Variants in TTPA observed in about 807,000 individuals in gnomAD.
TTPA encodes alpha tocopherol transfer protein.
A neutral mutation model predicts 25.9 loss-of-function variants in TTPA; 23 were observed. The ratio of observed to expected loss-of-function variants is 0.89; its 90% confidence interval spans 0.64 to 1.26. TTPA has a LOEUF of 1.26. Among genes scored for constraint, TTPA ranks in the 50% most tolerant of loss-of-function variants. The pLI is 0.00. For synonymous variants in TTPA, 148 were observed against 137.3 expected (o/e 1.08, Z -0.54); for missense variants, 337 against 353.1 (o/e 0.95, Z 0.37).
At chr8:63,085,007 G>C (rs751429024) in intron 1 of TTPA, among the ~76,000 whole-genome samples, 6 of 152,218 alleles carry the variant, frequency 3.9e-5, no homozygotes, top group Non-Finnish European at 7.3e-5. Flanking sequence ...CTTAGAGAAA[G>C]GGCTAGATCT....
intron 2 of TTPA, among the ~76,000 whole-genome samples, chr8:63,072,485 A>T (rs897822212): frequency 6.6e-6 from 1 of 151,954 alleles, no homozygotes; most frequent in Non-Finnish European, 1.5e-5. Context: ...TTGGTCTCGA[A>T]CTCCTGACCT....
intron 1 of TTPA, 105 bp from the exon 2 acceptor site, chr8:63,073,193 T>A: frequency 2.2e-6 from 2 of 918,434 alleles, no homozygotes; most frequent in Non-Finnish European, 3.4e-6. Flanking sequence ...CCATCCATTA[T>A]GTCAAGAGTT....
At chr8:63,068,868 T>C (rs1002283960) in intron 2 of TTPA, among the ~76,000 whole-genome samples, 15 of 152,172 alleles carry the variant, frequency 9.9e-5, no homozygotes, top group Non-Finnish European at 2.2e-4. Flanking sequence ...AAGCCTCAGA[T>C]TTCTGGCCGG....
At position 63,065,985 on chromosome 8, in the gene TTPA, G is replaced by T. The variant is rs572263038; in HGVS notation, c.471C>A (p.Ile157=). 2.9e-4 allele frequency: 467 copies of T among 1,614,074 alleles called. 3 individuals are homozygous for T. The South Asian group carries it at 4.7e-3, about 16-fold the overall frequency. Residue 157 remains isoleucine, a synonymous_variant, in exon 3 of 5, where the codon ATC becomes ATA. Coordinates refer to ENST00000260116, the MANE Select transcript of TTPA (RefSeq NM_000370.3). ...VETQRNGIKA[I]FDLEGWQFSH... is the part of the protein sequence containing the mutation. ...AAAACTGCCAACCTTCCAGATCAAA[G>T]ATAGCCTTGATTCCATTCCGCTGAG...
intron 1 of TTPA, among the ~76,000 whole-genome samples, chr8:63,083,066 G>A (rs959483533): frequency 4.3e-4 from 66 of 152,300 alleles, no homozygotes; most frequent in African/African-American, 1.6e-3. Context: ...AACCACTGTG[G>A]AAGACAGTGT....
At chr8:63,080,023 A>C (rs1805634951) in intron 1 of TTPA, among the ~76,000 whole-genome samples, 1 of 152,204 alleles carries the variant, frequency 6.6e-6, no homozygotes, top group African/African-American at 2.4e-5. Context: ...AACTCACTCA[A>C]AACCGCACAA....
downstream of TTPA, among the ~76,000 whole-genome samples, chr8:63,058,714 AC>A (rs1379719470): frequency 1.1e-5 from 1 of 93,648 alleles, no homozygotes; most frequent in Non-Finnish European, 1.9e-5. Flanking sequence ...GGAACCTATC[AC>A]CAAAAAAATC....
chr8:63,075,717 A>G (rs28731434), intron 1 of TTPA, among the ~76,000 whole-genome samples: 36,060 of 146,712 alleles, frequency 0.25, 4,777 homozygotes, highest in South Asian at 0.37. Context: ...AAAAAAAAAA[A>G]AAAAGTAAAG....
chr8:63,082,230 G>A (rs970307791), intron 1 of TTPA, among the ~76,000 whole-genome samples: 2 of 152,128 alleles, frequency 1.3e-5, no homozygotes, highest in African/African-American at 4.8e-5. Context: ...CATGCTACCT[G>A]ACTTCAAACT....
chr8:63,078,355 T>C (rs1275961196), intron 1 of TTPA, among the ~76,000 whole-genome samples: 1 of 152,150 alleles, frequency 6.6e-6, no homozygotes, highest in African/African-American at 2.4e-5. Context: ...TTGACAGAAG[T>C]AGGCTTCACA....
downstream of TTPA, among the ~76,000 whole-genome samples, chr8:63,059,020 G>GTTTTTTTT (rs35335226): frequency 3.9e-4 from 26 of 67,192 alleles, 3 homozygotes; most frequent in African/African-American, 1.0e-3. Context: ...GCAGGGTCCA[G>GTTTTTTTT]TTTTTTTTTT....
At chr8:63,080,625 G>T (rs979212851) in intron 1 of TTPA, among the ~76,000 whole-genome samples, 7 of 151,702 alleles carry the variant, frequency 4.6e-5, no homozygotes, top group Non-Finnish European at 8.8e-5. Context: ...GGAGGCTGAG[G>T]TGGGAGAATG....
chr8:63,079,468 G>A (rs1311036117), intron 1 of TTPA, among the ~76,000 whole-genome samples: 3 of 151,958 alleles, frequency 2.0e-5, no homozygotes, highest in African/African-American at 7.3e-5. Flanking sequence ...CAAAATAAAG[G>A]AATGGAGGAA....
intron 1 of TTPA, among the ~76,000 whole-genome samples, chr8:63,079,314 T>A (rs1197707834): frequency 6.6e-6 from 1 of 152,152 alleles, no homozygotes; most frequent in East Asian, 1.9e-4. Flanking sequence ...AATGACTGGA[T>A]CAAATTCACA....
At chr8:63,082,080 A>C (rs1249615623) in intron 1 of TTPA, among the ~76,000 whole-genome samples, 12 of 151,168 alleles carry the variant, frequency 7.9e-5, no homozygotes, top group Non-Finnish European at 7.4e-5. Flanking sequence ...GGTAATTTAT[A>C]GATTCAATGC....
At chr8:63,081,035 G>A (rs529016788) in intron 1 of TTPA, among the ~76,000 whole-genome samples, 14 of 150,350 alleles carry the variant, frequency 9.3e-5, no homozygotes, top group African/African-American at 2.2e-4. Flanking sequence ...AAAACAGACC[G>A]ATTAACAGAC....
In TTPA at chr8:63,060,097, T is replaced by C. The variant is rs1805279781; in HGVS notation, c.*1155A>G. On this transcript the variant is annotated 3_prime_UTR_variant, in exon 5 of 5. Coordinates refer to ENST00000260116, the MANE Select transcript of TTPA (RefSeq NM_000370.3). ...ATTATTTTATGCATAATCTGAAAAA[T>C]ACCAGATGTAATTGACAGTAATTTT... 1 of 152,204 alleles carries C rather than the reference T, an allele frequency of 6.6e-6. No individual in the cohort carries two copies. The highest frequency in any genetic ancestry group is 2.1e-4 in the South Asian group (1 of 4,834). 9.4% of individuals were successfully genotyped at this position (152,204 alleles called of 1,614,324 possible). A position where few individuals can be genotyped will look rare whatever the true frequency, so the allele number is the denominator to read the frequency against.
In TTPA at chr8:63,061,194, C is replaced by T. The variant is rs1432123699; in HGVS notation, c.*58G>A. ...GCTCCTTTTCTTTCATTCATTTAAC[C>T]AGGTTGGATATCACTCATGTATTTT... On this transcript the variant is annotated 3_prime_UTR_variant, in exon 5 of 5. Coordinates refer to ENST00000260116, the MANE Select transcript of TTPA (RefSeq NM_000370.3). 6 of 1,530,150 alleles carry T rather than the reference C, an allele frequency of 3.9e-6. No individual in the cohort carries two copies. Among genetic ancestry groups the T allele is most frequent in the Non-Finnish European group, 5.4e-6 (6 of 1,110,222 alleles). The allele number at this position is 1,530,150 out of a possible 1,614,324, so 94.8% of individuals were successfully genotyped here.
rs758406902 is a variant in TTPA at position 63,066,117 on chromosome 8, T to A, written c.359-20A>T. 3 of 1,606,586 alleles carry A rather than the reference T, an allele frequency of 1.9e-6. No homozygotes were observed. Among genetic ancestry groups the A allele is most frequent in the Non-Finnish European group, 2.6e-6 (3 of 1,174,288 alleles). ...AGTGTGCTAAAAAAAATAAAGCATA[T>A]CATATCTTAGCATTGTGTAAAAAAT... On this transcript the variant is annotated intron_variant, in intron 2 of 4. Transcript: ENST00000260116.
Sources: allele counts gnomAD v4.1 joint callset (sites outside exome capture counted in the v4.1 genomes callset), GRCh38; gene constraint gnomAD v4.1.1; transcripts MANE v1.5; gene names NCBI Gene and HGNC (gene_info 2026-07-23, HGNC 2026-07-21).